The following LIN52 variants were observed in gnomAD, a reference collection of about 807,000 sequenced individuals.
The protein encoded by LIN52 is protein lin-52 homolog.
Under a neutral mutation model 18.5 loss-of-function variants are expected in LIN52, and 4 were observed. The ratio of observed to expected loss-of-function variants is 0.22; its 90% CI spans 0.11 to 0.49. The LOEUF is 0.49. LIN52 is among the 20% of genes least tolerant of loss of function. The pLI is 0.97. For missense variants in LIN52, 102 were observed against 139.5 expected, an observed-to-expected ratio of 0.73 and a Z score of 1.35; for synonymous variants, 34 against 45.5, an observed-to-expected ratio of 0.75 and a Z score of 1.02.
chr14:74,169,209 C>G (rs2061261363), intron 5 of LIN52, among the ~76,000 whole-genome samples: 1 of 152,180 alleles, frequency 6.6e-6, no homozygotes, highest in Non-Finnish European at 1.5e-5. Flanking sequence ...TTTCACACAT[C>G]CCCAGTCCAC....
intron 5 of LIN52, among the ~76,000 whole-genome samples, chr14:74,184,605 ATAT>A (rs1307863692): frequency 6.6e-6 from 1 of 152,226 alleles, no homozygotes; most frequent in Non-Finnish European, 1.5e-5. Context: ...GGTATCAGTC[ATAT>A]TATTTTCAAA....
At chr14:74,173,156 T>C (rs1300745136) in intron 5 of LIN52, among the ~76,000 whole-genome samples, 2 of 152,210 alleles carry the variant, frequency 1.3e-5, no homozygotes, top group Non-Finnish European at 2.9e-5. Flanking sequence ...ATTATTTACA[T>C]GTACTAAGGA....
chr14:74,157,293 A>G (rs1289347180), intron 5 of LIN52, among the ~76,000 whole-genome samples: 1 of 151,816 alleles, frequency 6.6e-6, no homozygotes, highest in Non-Finnish European at 1.5e-5. Flanking sequence ...TCAGCCTCCC[A>G]AAGTGCTGGG....
chr14:74,152,396 A>G (rs1051085268), intron 5 of LIN52, among the ~76,000 whole-genome samples: 2 of 152,172 alleles, frequency 1.3e-5, no homozygotes, highest in Non-Finnish European at 2.9e-5. Context: ...GCTAAGAAAC[A>G]TTGATAATCA....
intron 5 of LIN52, among the ~76,000 whole-genome samples, chr14:74,141,043 CTG>C (rs2061127749): frequency 6.6e-6 from 1 of 152,080 alleles, no homozygotes; most frequent in Non-Finnish European, 1.5e-5. Flanking sequence ...TTATCAAACA[CTG>C]TAATGGTAAA....
intron 5 of LIN52, among the ~76,000 whole-genome samples, chr14:74,135,351 C>T (rs1375115745): frequency 6.6e-6 from 1 of 152,194 alleles, no homozygotes; most frequent in Non-Finnish European, 1.5e-5. Flanking sequence ...GCATGAGCCA[C>T]CTCACCCAGC....
chr14:74,086,811 A>G (rs2060735343), intron 1 of LIN52, among the ~76,000 whole-genome samples: 1 of 152,122 alleles, frequency 6.6e-6, no homozygotes, highest in South Asian at 2.1e-4. Context: ...GTTAATGGGT[A>G]CCAAATTTCA....
At chr14:74,184,822 T>C (rs1168227999) in intron 5 of LIN52, among the ~76,000 whole-genome samples, 1 of 152,194 alleles carries the variant, frequency 6.6e-6, no homozygotes, top group Non-Finnish European at 1.5e-5. Flanking sequence ...TTAGATCTAT[T>C]ACAATCATTA....
intron 5 of LIN52, among the ~76,000 whole-genome samples, chr14:74,130,278 G>GTGTTTTTTT (rs1566856480): frequency 7.7e-5 from 5 of 64,842 alleles, no homozygotes; most frequent in Non-Finnish European, 1.4e-4. Context: ...GCATTTTTTG[G>GTGTTTTTTT]TTTTTTTTTT....
At position 74,106,226 on chromosome 14, in the gene LIN52, G is replaced by T. The variant is rs774218620; in HGVS notation, c.283+4988G>T. Among the ~76,000 whole-genome samples, 4 of 152,056 alleles carry T rather than the reference G, an allele frequency of 2.6e-5. No individual in the cohort carries two copies. In the South Asian group the frequency reaches 8.3e-4, roughly 32 times the overall value. On this transcript the variant is annotated intron_variant, in intron 5 of 5. Coordinates refer to ENST00000555028, the MANE Select transcript of LIN52 (RefSeq NM_001024674.3). Reference sequence around the variant, plus strand: ...CAGTCACCTTCTAGCTGGTCCCTCTGCCTCTCAACTAGCCCATTCCAATCT... The same window carrying T: ...CAGTCACCTTCTAGCTGGTCCCTCTTCCTCTCAACTAGCCCATTCCAATCT...
rs71460959 is a variant in LIN52 at position 74,137,498 on chromosome 14, C to CTTTTTTT, written c.283+36272_283+36278dup. Among the ~76,000 whole-genome samples the CTTTTTTT allele has an allele frequency of 1.6e-4, 18 of 111,602 alleles. 1 individual carries two copies. Among genetic ancestry groups the CTTTTTTT allele is most frequent in the African/African-American group, 5.2e-4 (14 of 26,874 alleles). 73.2% of individuals were successfully genotyped at this position (111,602 alleles called of 152,430 possible). On this transcript the variant is annotated intron_variant, in intron 5 of 5. Coordinates refer to ENST00000555028, the MANE Select transcript of LIN52 (RefSeq NM_001024674.3). ...GCACTAAATTCTTCACAGCAGCTCT[C>CTTTTTTT]TTTTTTTTTTTTTTTTTTGAGATGG...
rs568068994 is a variant in LIN52, at chr14:74,154,041, G to A, written c.284-44881G>A. ...CCCACATGGAATTTCCCCTGTTGTC[G>A]TTAGTGTGGTACATTTATTACAGTT... On this transcript the variant is annotated intron_variant, in intron 5 of 5. Coordinates refer to ENST00000555028, the MANE Select transcript of LIN52 (RefSeq NM_001024674.3). 5.3e-5 allele frequency among the ~76,000 whole-genome samples: 8 copies of A among 151,924 alleles called. No homozygotes were observed. The South Asian group carries it at 6.2e-4, about 12-fold the overall frequency.
chr14:74,087,483 C>T (rs534540818), intron 1 of LIN52, among the ~76,000 whole-genome samples: 14 of 150,494 alleles, frequency 9.3e-5, no homozygotes, highest in African/African-American at 3.2e-4. Context: ...ACTTTATTTG[C>T]ACTCTTGATT....
intron 5 of LIN52, among the ~76,000 whole-genome samples, chr14:74,102,055 C>G (rs1355630487): frequency 6.6e-6 from 1 of 152,048 alleles, no homozygotes; most frequent in African/African-American, 2.4e-5. Context: ...GATTATGAAC[C>G]ACCGCACCCA....
chr14:74,117,686 G>A (rs2060973587), intron 5 of LIN52, among the ~76,000 whole-genome samples: 1 of 152,242 alleles, frequency 6.6e-6, no homozygotes, highest in South Asian at 2.1e-4. Context: ...AACAAAATAA[G>A]GAGTGTTTTT....
chr14:74,085,025 G>A, intron 1 of LIN52, 32 bp downstream of exon 1: 1 of 1,370,062 alleles, frequency 7.3e-7, no homozygotes, highest in South Asian at 2.1e-5. Flanking sequence ...TTTGCCTGCA[G>A]CCTCCTTCTT....
chr14:74,147,206 C>T (rs565535498), intron 5 of LIN52, among the ~76,000 whole-genome samples: 75 of 152,036 alleles, frequency 4.9e-4, no homozygotes, highest in Non-Finnish European at 8.2e-4. Context: ...TGCAGTGACC[C>T]GAGATCGCAC....
At chr14:74,139,547 C>A (rs780508582) in intron 5 of LIN52, among the ~76,000 whole-genome samples, 5 of 151,984 alleles carry the variant, frequency 3.3e-5, no homozygotes, top group African/African-American at 7.2e-5. Flanking sequence ...TTTTTTTTCC[C>A]CCTCCCTTTG....
At chr14:74,109,776 G>T (rs1338566677) in intron 5 of LIN52, among the ~76,000 whole-genome samples, 3 of 152,126 alleles carry the variant, frequency 2.0e-5, no homozygotes, top group Admixed American at 2.0e-4. Flanking sequence ...CTGAGAAATA[G>T]AATTAATTTT....
Sources: allele counts gnomAD v4.1 joint callset (sites outside exome capture counted in the v4.1 genomes callset), GRCh38; gene constraint gnomAD v4.1.1; transcripts MANE v1.5; gene names NCBI Gene and HGNC (gene_info 2026-07-23, HGNC 2026-07-21).